APBB2: variants seen among roughly 807,000 people sequenced by gnomAD.
The protein encoded by APBB2 is Fe65-like 1.
A neutral mutation model predicts 82.5 loss-of-function variants in APBB2; 38 were observed. The ratio of observed to expected loss-of-function variants is 0.46; its 90% CI spans 0.36 to 0.60. The LOEUF is 0.60. Among genes scored for constraint, APBB2 ranks in the 20% least tolerant of loss-of-function variants. The pLI is 0.00. For missense variants in APBB2, 772 were observed against 972.3 expected (o/e 0.79, Z 2.74); for synonymous variants, 341 against 368.2 (o/e 0.93, Z 0.85).
intron 1 of APBB2, among the ~76,000 whole-genome samples, chr4:41,177,171 C>G (rs1161336908): frequency 6.6e-6 from 1 of 152,174 alleles, no homozygotes; most frequent in Non-Finnish European, 1.5e-5. Context: ...GTACACACCA[C>G]AGATGCTATC....
intron 16 of APBB2, 54 bp from the exon 17 acceptor site, chr4:40,822,104 G>A: frequency 4.4e-6 from 7 of 1,595,486 alleles, no homozygotes; most frequent in South Asian, 1.1e-5. Context: ...TCAAGCTTAA[G>A]AGTGGCAGCA....
At chr4:40,925,060 C>T (rs1782263968) in intron 10 of APBB2, among the ~76,000 whole-genome samples, 2 of 152,188 alleles carry the variant, frequency 1.3e-5, no homozygotes, top group Non-Finnish European at 2.9e-5. Flanking sequence ...GGTATCGTCT[C>T]CTTCTGGGAA....
At chr4:40,823,939 A>C (rs891383575) in intron 15 of APBB2, among the ~76,000 whole-genome samples, 180 bp from the exon 16 acceptor site, 10 of 152,184 alleles carry the variant, frequency 6.6e-5, no homozygotes, top group Admixed American at 4.6e-4. Context: ...GTAGTGGCTC[A>C]CGCCTGTAAT....
intron 6 of APBB2, among the ~76,000 whole-genome samples, chr4:40,945,342 C>G (rs1788082978): frequency 6.6e-6 from 1 of 152,188 alleles, no homozygotes; most frequent in South Asian, 2.1e-4. Context: ...CATCCTATAG[C>G]TCTAAGAACC....
intron 1 of APBB2, among the ~76,000 whole-genome samples, chr4:41,199,459 C>G (rs1477597849): frequency 6.6e-6 from 1 of 152,232 alleles, no homozygotes; most frequent in African/African-American, 2.4e-5. Context: ...TACTTATAAT[C>G]TGCCTACCTG....
At chr4:40,869,068 G>A (rs543009852) in intron 12 of APBB2, among the ~76,000 whole-genome samples, 4 of 151,272 alleles carry the variant, frequency 2.6e-5, no homozygotes, top group Admixed American at 6.6e-5. Context: ...TTGCTCTGTC[G>A]CCCAGGCTGG....
Position 40,826,236 on chromosome 4 carries a change from T to C in APBB2, c.1733-266A>G, listed in dbSNP as rs560100089. 2.9e-5 allele frequency: 13 copies of C among 445,428 alleles called. No individual in the cohort carries two copies. The East Asian group carries it at 5.7e-4, about 20-fold the overall frequency. The allele number at this position is 445,428 out of a possible 1,614,324, so 27.6% of individuals were successfully genotyped here. A position where few individuals can be genotyped will look rare whatever the true frequency, so the allele number is the denominator to read the frequency against. On this transcript the variant is annotated intron_variant, in intron 14 of 17. Transcript: ENST00000508593. The surrounding 1 kb of genome is among the most constrained non-coding windows in gnomAD (Gnocchi z 4.5). Reference sequence around the variant, plus strand: ...TGTGTTAAAGCTGCTACTGTCTCTTTGATGTATATTAAGTAAAGTAGCAGC... The same window carrying C: ...TGTGTTAAAGCTGCTACTGTCTCTTCGATGTATATTAAGTAAAGTAGCAGC...
intron 6 of APBB2, among the ~76,000 whole-genome samples, chr4:40,984,459 C>A (rs1043484235): frequency 6.6e-6 from 1 of 152,050 alleles, no homozygotes; most frequent in Non-Finnish European, 1.5e-5. Flanking sequence ...GGTCCCTGGC[C>A]AAAGGAACTC....
chr4:40,899,988 C>T (rs147576861), intron 10 of APBB2, among the ~76,000 whole-genome samples: 39 of 152,274 alleles, frequency 2.6e-4, no homozygotes, highest in African/African-American at 8.4e-4. Context: ...GGAGCATATC[C>T]GACACCCAGG....
At chr4:41,124,050 T>C (rs978403605) in intron 2 of APBB2, among the ~76,000 whole-genome samples, 4 of 152,154 alleles carry the variant, frequency 2.6e-5, no homozygotes, top group African/African-American at 7.2e-5. Flanking sequence ...AGGAAGAAGC[T>C]TGCCCACAGA....
At chr4:41,110,000 C>A (rs1169517550) in intron 2 of APBB2, among the ~76,000 whole-genome samples, 1 of 152,134 alleles carries the variant, frequency 6.6e-6, no homozygotes, top group Non-Finnish European at 1.5e-5. Context: ...AAGGATGAGA[C>A]AAATTTTATC....
At chr4:40,895,440 G>A (rs1325758922) in intron 10 of APBB2, among the ~76,000 whole-genome samples, 1 of 152,254 alleles carries the variant, frequency 6.6e-6, no homozygotes, top group Non-Finnish European at 1.5e-5. Flanking sequence ...ATGGTGAAGA[G>A]GAGGTCCCGG....
At chr4:41,145,158 C>G (rs1001231055) in intron 1 of APBB2, among the ~76,000 whole-genome samples, 4 of 152,132 alleles carry the variant, frequency 2.6e-5, no homozygotes, top group African/African-American at 7.2e-5. Context: ...AGAATGCCTC[C>G]TGGTGTTACC....
At position 40,927,936 on chromosome 4, in the gene APBB2, T is replaced by C. The variant is rs900805561; in HGVS notation, c.1254+6520A>G. Among the ~76,000 whole-genome samples the C allele has an allele frequency of 2.0e-5, 3 of 152,226 alleles. No individual in the cohort carries two copies. In the East Asian group the frequency reaches 5.8e-4, roughly 29 times the overall value. ...AAGCATTAAGTTTTCTACAATTTGA[T>C]TGTAACTGGTTTTTATTTGAATGTT... On this transcript the variant is annotated intron_variant, in intron 10 of 17. Transcript: ENST00000508593.
intron 6 of APBB2, among the ~76,000 whole-genome samples, chr4:40,980,907 T>C (rs1798301143): frequency 6.6e-6 from 1 of 152,244 alleles, no homozygotes; most frequent in Non-Finnish European, 1.5e-5. Context: ...GAGAACCACC[T>C]GCATTAGATT....
At chr4:41,076,704 G>A (rs993818073) in intron 3 of APBB2, among the ~76,000 whole-genome samples, 2 of 152,142 alleles carry the variant, frequency 1.3e-5, no homozygotes, top group Non-Finnish European at 2.9e-5. Context: ...ATGACAAGAT[G>A]AACACCAAGC....
intron 13 of APBB2, among the ~76,000 whole-genome samples, 188 bp downstream of exon 13, chr4:40,830,275 T>C (rs528184005): frequency 6.6e-6 from 1 of 152,148 alleles, no homozygotes; most frequent in African/African-American, 2.4e-5. Context: ...TTTGTGTAGA[T>C]GGAGTGCTAC....
intron 5 of APBB2, among the ~76,000 whole-genome samples, chr4:41,026,396 T>C (rs1714238653): frequency 6.6e-6 from 1 of 152,222 alleles, no homozygotes; most frequent in Non-Finnish European, 1.5e-5. Flanking sequence ...TTCAGTGCTA[T>C]TTAGTATACT....
At chr4:41,024,974 C>T (rs111425430) in intron 5 of APBB2, among the ~76,000 whole-genome samples, 16 of 152,320 alleles carry the variant, frequency 1.1e-4, no homozygotes, top group South Asian at 4.1e-4. Context: ...CACGCCACTA[C>T]GATTCGCGCC....
Sources: allele counts gnomAD v4.1 joint callset (sites outside exome capture counted in the v4.1 genomes callset), GRCh38; gene constraint gnomAD v4.1.1; non-coding constraint Gnocchi (gnomAD v3.1); transcripts MANE v1.5; gene names NCBI Gene and HGNC (gene_info 2026-07-23, HGNC 2026-07-21).